Variants in CEP112 observed in about 807,000 individuals in gnomAD.
CEP112 encodes centrosomal protein 112.
CEP112 carries 127 observed loss-of-function variants against 153.0 expected under a neutral mutation model. The observed-to-expected ratio is 0.83, with a 90% CI of 0.72 to 0.96. CEP112 has a LOEUF of 0.96. Among genes scored for constraint, CEP112 ranks in the 40% least tolerant of loss-of-function variants. The pLI is 0.00. For synonymous variants in CEP112, 358 were observed against 374.4 expected, an observed-to-expected ratio of 0.96 and a Z score of 0.51; for missense variants, 1,089 against 1,101.2, an observed-to-expected ratio of 0.99 and a Z score of 0.16.
intron 18 of CEP112, among the ~76,000 whole-genome samples, chr17:65,948,270 T>C (rs2053484627): frequency 6.6e-6 from 1 of 152,170 alleles, no homozygotes; most frequent in Non-Finnish European, 1.5e-5. Flanking sequence ...GTTAGCATCA[T>C]ATATCTAATG....
At position 65,773,647 on chromosome 17, in the gene CEP112, T is replaced by C. The variant is rs549711160; in HGVS notation, c.2395-22923A>G. 1.1e-4 allele frequency among the ~76,000 whole-genome samples: 17 copies of C among 151,472 alleles called. No homozygotes were observed. The South Asian group carries it at 2.9e-3, about 26-fold the overall frequency. ...TATGGTGACTATCTCCTGTAATCTA[T>C]CACCGCATGTAGCTAGTGATTTTTC... On this transcript the variant is annotated intron_variant, in intron 21 of 26. Coordinates refer to ENST00000535342, the MANE Select transcript of CEP112 (RefSeq NM_001199165.4).
chr17:65,692,965 A>G (rs1446511453), intron 23 of CEP112, among the ~76,000 whole-genome samples: 2 of 152,230 alleles, frequency 1.3e-5, no homozygotes, highest in Non-Finnish European at 2.9e-5. Flanking sequence ...AAAGGTGATT[A>G]TGTGTCCTGA....
At chr17:65,921,345 C>T (rs1042718645) in intron 19 of CEP112, among the ~76,000 whole-genome samples, 4 of 151,846 alleles carry the variant, frequency 2.6e-5, no homozygotes, top group African/African-American at 7.3e-5. Context: ...GTATGCCTAT[C>T]GTTTGTCATG....
intron 23 of CEP112, among the ~76,000 whole-genome samples, chr17:65,695,789 C>T (rs955727415): frequency 6.6e-6 from 1 of 152,190 alleles, no homozygotes; most frequent in African/African-American, 2.4e-5. Context: ...TTTCTGCTCT[C>T]GCCTTTGGCC....
chr17:65,821,511 TAA>T (rs1568066812), intron 21 of CEP112, among the ~76,000 whole-genome samples: 12 of 105,156 alleles, frequency 1.1e-4, no homozygotes, highest in Non-Finnish European at 2.1e-4. Context: ...TATATATATA[TAA>T]TTATATATAT....
intron 23 of CEP112, among the ~76,000 whole-genome samples, chr17:65,723,203 G>A (rs1413305366): frequency 5.3e-5 from 8 of 152,154 alleles, no homozygotes; most frequent in Admixed American, 1.3e-4. Flanking sequence ...AACTTACAAT[G>A]AGATGCTATT....
intron 20 of CEP112, among the ~76,000 whole-genome samples, chr17:65,896,034 G>A (rs2059648314): frequency 6.6e-6 from 1 of 152,016 alleles, no homozygotes; most frequent in Non-Finnish European, 1.5e-5. Context: ...ACAAAAGATA[G>A]ATTTTTAAAA....
Position 66,066,860 on chromosome 17 carries a change from ATTCT to A in CEP112, c.869_872del (p.Lys290IlefsTer4), listed in dbSNP as rs1243392338. 4.5e-6 allele frequency: 7 copies of A among 1,538,840 alleles called. No individual in the cohort carries two copies. The highest frequency in any genetic ancestry group is 1.2e-5 in the South Asian group (1 of 81,038). ...AAGTTTTCAGTTCTTCTATTTCATT[ATTCT>A]TTCTTTCTAAAATCTGCAAATAAAT... On this transcript the variant is annotated frameshift_variant, in exon 10 of 27. Transcript: ENST00000535342. LOFTEE classifies it high-confidence loss of function.
chr17:65,765,858 T>G (rs1363717632), intron 21 of CEP112, among the ~76,000 whole-genome samples: 1 of 152,076 alleles, frequency 6.6e-6, no homozygotes, highest in East Asian at 1.9e-4. Context: ...GATGAAAATA[T>G]TTTCCTATGA....
rs574021035 is a variant in CEP112 at position 65,951,820 on chromosome 17, A to G, written c.1872+9643T>C. On this transcript the variant is annotated intron_variant, in intron 18 of 26. Coordinates refer to ENST00000535342, the MANE Select transcript of CEP112 (RefSeq NM_001199165.4). ...GGTTTCATCAGGTGAAGTTTAGGTT[A>G]CTGATTTGAGAATTTTATTTTTGGA... Among the ~76,000 whole-genome samples, 3 of 131,546 alleles carry G rather than the reference A, an allele frequency of 2.3e-5. No individual in the cohort carries two copies. In the South Asian group the frequency reaches 7.7e-4, roughly 34 times the overall value. 86.3% of individuals were successfully genotyped at this position (131,546 alleles called of 152,430 possible). A position where few individuals can be genotyped will look rare whatever the true frequency, so the allele number is the denominator to read the frequency against.
chr17:65,968,653 TC>T (rs1398473613), intron 17 of CEP112, among the ~76,000 whole-genome samples: 1 of 152,194 alleles, frequency 6.6e-6, no homozygotes, highest in Non-Finnish European at 1.5e-5. Flanking sequence ...TTAGGGCAGT[TC>T]ACATATTATT....
rs942292266 is a variant in CEP112, at chr17:65,879,492, T to C, written c.2163+22660A>G. Among the ~76,000 whole-genome samples the C allele has an allele frequency of 2.6e-5, 4 of 152,230 alleles. 1 individual carries two copies. In the South Asian group the frequency reaches 8.3e-4, roughly 31 times the overall value. On this transcript the variant is annotated intron_variant, in intron 20 of 26. Transcript: ENST00000535342. ...TTCTTTCCAGGTACAAAGCTTGTGG[T>C]AATTTGTTACAATAGCAATAGGAAA...
chr17:66,159,697 T>C (rs2146749263), intron 4 of CEP112, among the ~76,000 whole-genome samples: 1 of 152,304 alleles, frequency 6.6e-6, no homozygotes, highest in South Asian at 2.1e-4. Context: ...TGATGGAATG[T>C]ACCTCAAAAT....
At chr17:65,835,945 T>C (rs775740451) in intron 21 of CEP112, among the ~76,000 whole-genome samples, 1 of 152,190 alleles carries the variant, frequency 6.6e-6, no homozygotes, top group African/African-American at 2.4e-5. Context: ...AAGATTCAAA[T>C]TGAAGCATCA....
chr17:66,017,924 C>T (rs543619638), intron 16 of CEP112, among the ~76,000 whole-genome samples: 6 of 151,514 alleles, frequency 4.0e-5, no homozygotes, highest in Admixed American at 2.0e-4. Flanking sequence ...CTCTTGAACC[C>T]GAGAGGCAGA....
intron 21 of CEP112, among the ~76,000 whole-genome samples, chr17:65,789,026 C>G (rs2054442087): frequency 6.6e-6 from 1 of 152,120 alleles, no homozygotes; most frequent in Non-Finnish European, 1.5e-5. Flanking sequence ...AGTAAATCAT[C>G]TTTTTGTTGA....
chr17:65,965,688 A>AT (rs1182764062), intron 17 of CEP112, among the ~76,000 whole-genome samples: 2 of 151,654 alleles, frequency 1.3e-5, no homozygotes, highest in Non-Finnish European at 2.9e-5. Context: ...CCCCTGGCTA[A>AT]TTTTTTTCTT....
intron 17 of CEP112, among the ~76,000 whole-genome samples, chr17:65,997,077 G>A (rs1015950455): frequency 2.0e-5 from 3 of 152,024 alleles, no homozygotes; most frequent in Non-Finnish European, 4.4e-5. Flanking sequence ...CAGGCGTGGT[G>A]GTGTGCACCT....
chr17:65,911,615 G>A (rs2060286622), intron 19 of CEP112, among the ~76,000 whole-genome samples: 1 of 152,052 alleles, frequency 6.6e-6, no homozygotes, highest in South Asian at 2.1e-4. Context: ...GATCACTTGA[G>A]CCCAGGAGTT....
Sources: gnomAD v4.1 joint callset for allele counts (sites outside exome capture counted in the v4.1 genomes callset) on GRCh38, gnomAD v4.1.1 for gene constraint, MANE v1.5 for transcripts, NCBI Gene and HGNC (gene_info 2026-07-23, HGNC 2026-07-21) for gene names.